STRIP1: variants seen among roughly 807,000 people sequenced by gnomAD.
The protein encoded by STRIP1 is striatin-interacting protein 1.
A neutral mutation model predicts 106.2 loss-of-function variants in STRIP1; 63 were observed. The ratio of observed to expected loss-of-function variants is 0.59; its 90% confidence interval spans 0.48 to 0.73. The LOEUF (loss-of-function observed/expected upper bound fraction) is 0.73. Ranked by LOEUF, STRIP1 falls within the 30% of genes least tolerant of loss-of-function variation. The probability of loss-of-function intolerance (pLI) is 0.00; values close to 1 mark genes in which losing one functional copy is unlikely to be tolerated. For missense variants in STRIP1, 857 were observed against 1,074.8 expected (o/e 0.80, Z 2.83); for synonymous variants, 390 against 413.0 (o/e 0.94, Z 0.67).
rs772425953 is a variant in STRIP1 at position 110,050,999 on chromosome 1, C to T, written c.2000C>T (p.Ser667Phe). Reference sequence around the variant, plus strand: ...CAATTTTGCTGGAGGAACCTCTTTTCTTGTATCAATCTGCTTCGGATCTTG... The same window carrying T: ...CAATTTTGCTGGAGGAACCTCTTTTTTTGTATCAATCTGCTTCGGATCTTG... ...SNQFCWRNLFSCINLLRILNK... is the reference protein window; with the variant it reads ...SNQFCWRNLFFCINLLRILNK... Residue 667 changes from serine (S) to phenylalanine (F), a missense_variant, in exon 19 of 21, where the codon TCT becomes TTT. Physicochemically the swap from Ser to Phe is radical, Grantham distance 155. Transcript: ENST00000369795. 1.4e-5 allele frequency: 22 copies of T among 1,613,946 alleles called. No homozygotes were observed. The highest frequency in any genetic ancestry group is 1.9e-5 in the Non-Finnish European group (22 of 1,179,894).
chr1:110,043,620 C>T lies in STRIP1; in HGVS notation c.1069-19C>T. 6.2e-7 allele frequency: 1 copy of T among 1,608,536 alleles called. No homozygotes were observed. The highest frequency in any genetic ancestry group is 8.5e-7 in the Non-Finnish European group (1 of 1,176,624). ...CGTCCTCAGTTGGCTCTTGTCTCAT[C>T]TCCCTTCCCTGGTTTCAGGCTCTGA... On this transcript the variant is annotated intron_variant, in intron 9 of 20. Coordinates refer to ENST00000369795, the MANE Select transcript of STRIP1 (RefSeq NM_033088.4).
chr1:110,033,226 C>T (rs747249908), upstream of STRIP1, among the ~76,000 whole-genome samples: 9 of 151,956 alleles, frequency 5.9e-5, no homozygotes, highest in Non-Finnish European at 1.0e-4. Context: ...CTCCACCAAC[C>T]CCTGCCCCCC....
At chr1:110,036,267 A>G (rs1268987940) in intron 1 of STRIP1, among the ~76,000 whole-genome samples, 1 of 152,184 alleles carries the variant, frequency 6.6e-6, no homozygotes, top group African/African-American at 2.4e-5. Context: ...AGCCTGGCCA[A>G]TGTGATCAAA....
chr1:110,054,047 G>C lies in STRIP1; in HGVS notation c.*135G>C. 1 of 1,170,454 alleles carries C rather than the reference G, an allele frequency of 8.5e-7. No homozygotes were observed. The highest frequency in any genetic ancestry group is 1.2e-6 in the Non-Finnish European group (1 of 828,958). The allele number at this position is 1,170,454 out of a possible 1,614,324, so 72.5% of individuals were successfully genotyped here. On this transcript the variant is annotated 3_prime_UTR_variant, in exon 21 of 21. Transcript: ENST00000369795. ...AGCCCCACTGTGTCTTCCGCAGTCT[G>C]TCCTGGGCTTGGGTGAGCCCAGCTT...
At chr1:110,043,023 A>G (rs1264946461) in intron 8 of STRIP1, 65 bp from the exon 9 acceptor site, 1 of 1,469,378 alleles carries the variant, frequency 6.8e-7, no homozygotes, top group African/African-American at 1.4e-5. Flanking sequence ...TGAGCCTGAC[A>G]CAATGGTCAG....
Position 110,044,841 on chromosome 1 carries a change from GAGAA to G in STRIP1, c.1292_1295del (p.Lys431ThrfsTer14). ...CTCTCTTTTTTGGTGATGTGGCAGAGAGAAAGACATTGAGATGTTCCTTGAGTCC... is the reference window on the plus strand; with the variant it reads ...CTCTCTTTTTTGGTGATGTGGCAGAGAGACATTGAGATGTTCCTTGAGTCC... On this transcript the variant is annotated frameshift_variant and splice_region_variant, in exon 11 of 21. Coordinates refer to ENST00000369795, the MANE Select transcript of STRIP1 (RefSeq NM_033088.4). LOFTEE classifies it high-confidence loss of function. 1 of 1,614,146 alleles carries G rather than the reference GAGAA, an allele frequency of 6.2e-7. No individual in the cohort carries two copies. Among genetic ancestry groups the G allele is most frequent in the Non-Finnish European group, 8.5e-7 (1 of 1,180,002 alleles).
At chr1:110,050,037 T>G in intron 17 of STRIP1, 1 of 410,030 alleles carries the variant, frequency 2.4e-6, no homozygotes, top group African/African-American at 2.0e-5. Context: ...TTGGCATAAA[T>G]TAGTTGCCCT....
At chr1:110,044,411 G>A (rs1652921661) in intron 10 of STRIP1, among the ~76,000 whole-genome samples, 1 of 152,182 alleles carries the variant, frequency 6.6e-6, no homozygotes, top group Admixed American at 6.5e-5. Flanking sequence ...ATCTGTGAAG[G>A]GAATGCAAAA....
intron 5 of STRIP1, chr1:110,039,948 G>A (rs1461612383): frequency 2.4e-6 from 3 of 1,253,050 alleles, no homozygotes; most frequent in Non-Finnish European, 2.1e-6. Context: ...GTCAGCTGCT[G>A]CTCATCTAAG....
chr1:110,046,875 C>A, intron 13 of STRIP1, 124 bp downstream of exon 13: 1 of 660,188 alleles, frequency 1.5e-6, no homozygotes. Context: ...CATGGTGAAA[C>A]CCCGTCTCTA....
chr1:110,031,944 G>A (rs1040635670), upstream of STRIP1, among the ~76,000 whole-genome samples: 2 of 149,116 alleles, frequency 1.3e-5, no homozygotes, highest in African/African-American at 2.5e-5. Flanking sequence ...CTGTTGCCCA[G>A]GCTGGTCTCA....
chr1:110,039,528 G>A lies in STRIP1; in HGVS notation c.581+13G>A, dbSNP rs376694783. The A allele has an allele frequency of 1.1e-5, 18 of 1,590,574 alleles. No individual in the cohort carries two copies. The highest frequency in any genetic ancestry group is 1.5e-5 in the Non-Finnish European group (18 of 1,168,444). On this transcript the variant is annotated intron_variant, in intron 5 of 20. Coordinates refer to ENST00000369795, the MANE Select transcript of STRIP1 (RefSeq NM_033088.4). ...ACATGGAAATAGAGTGAGCATTTTTGAGAGGCTGAGTAGGGAAGGGGAGGC... is the reference window on the plus strand; with the variant it reads ...ACATGGAAATAGAGTGAGCATTTTTAAGAGGCTGAGTAGGGAAGGGGAGGC...
At chr1:110,035,959 C>T (rs990657565) in intron 1 of STRIP1, among the ~76,000 whole-genome samples, 14 of 152,152 alleles carry the variant, frequency 9.2e-5, no homozygotes, top group African/African-American at 3.4e-4. Flanking sequence ...TTTAGGAGCC[C>T]TGGCATGGTG....
intron 15 of STRIP1, chr1:110,048,087 T>G: frequency 5.6e-6 from 3 of 533,338 alleles, no homozygotes. Flanking sequence ...ACTCTACCAC[T>G]GAGCAAACTC....
chr1:110,047,648 T>C (rs1486660440), intron 14 of STRIP1, 32 bp downstream of exon 14: 2 of 1,591,630 alleles, frequency 1.3e-6, no homozygotes, highest in East Asian at 2.2e-5. Flanking sequence ...ACACTCCCAC[T>C]ACACTGGCCT....
rs748659308 is a variant in STRIP1, at chr1:110,039,419, A to T, written c.485A>T (p.Glu162Val). ...AQGTFGECSS[E>V]AEVQSWMRYN... The stretch of plus-strand genomic sequence containing the variant: ...GGCACGTTTGGGGAGTGCAGCTCGG[A>T]GGCAGAGGTGCAGTCCTGGATGCGC... The change falls in exon 5 of 21, where the codon GAG (glutamate) becomes GTG (valine). Residue 162 changes from glutamate (E) to valine (V), a missense_variant. By Grantham distance (121) the Glu-to-Val change is moderately radical. This residue lies in a region of STRIP1 where 750 missense variants were observed against 989.8 expected (regional missense o/e 0.76). Transcript: ENST00000369795. 5.6e-6 allele frequency: 9 copies of T among 1,613,948 alleles called. No individual in the cohort carries two copies. Among genetic ancestry groups the T allele is most frequent in the Non-Finnish European group, 7.6e-6 (9 of 1,179,986 alleles).
At chr1:110,039,626 T>C (rs2101768587) in intron 5 of STRIP1, 111 bp downstream of exon 5, 1 of 1,324,426 alleles carries the variant, frequency 7.6e-7, no homozygotes, top group Non-Finnish European at 1.0e-6. Context: ...GAAGTTCTGG[T>C]CCCAGGCTGT....
chr1:110,054,089 C>A lies in STRIP1; in HGVS notation c.*177C>A. On this transcript the variant is annotated 3_prime_UTR_variant, in exon 21 of 21. Coordinates refer to ENST00000369795, the MANE Select transcript of STRIP1 (RefSeq NM_033088.4). ...GCCCAGCTTGACCTCCCCTTGGTTC[C>A]CAGGGTCCTGCTCCGAAGCAGTCAT... The A allele has an allele frequency of 1.5e-6, 1 of 672,532 alleles. No individual in the cohort carries two copies. Among genetic ancestry groups the A allele is most frequent in the Non-Finnish European group, 2.5e-6 (1 of 399,158 alleles). The allele number at this position is 672,532 out of a possible 1,614,324, so 41.7% of individuals were successfully genotyped here.
chr1:110,036,556 T>G (rs6671109), intron 1 of STRIP1, among the ~76,000 whole-genome samples: 152,041 of 152,346 alleles, frequency 1, 75,868 homozygotes, highest in Middle Eastern at 1. Context: ...TTATAGAGAG[T>G]CTGATGCCAT....
Sources: gnomAD v4.1 joint callset for allele counts (sites outside exome capture counted in the v4.1 genomes callset) on GRCh38, gnomAD v4.1.1 for gene constraint, gnomAD v4.1.1 regional missense constraint, MANE v1.5 for transcripts, NCBI Gene and HGNC (gene_info 2026-07-23, HGNC 2026-07-21) for gene names.